Variants in CHRM1 observed in about 807,000 individuals in gnomAD.
CHRM1 encodes the protein muscarinic acetylcholine receptor M1.
A neutral mutation model predicts 31.6 loss-of-function variants in CHRM1; 5 were observed. The observed-to-expected ratio is 0.16, with a 90% CI of 0.08 to 0.33. CHRM1 has a LOEUF of 0.33. CHRM1 is among the 10% of genes least tolerant of loss of function. CHRM1 has a pLI of 1.00. For missense variants in CHRM1, 338 were observed against 610.3 expected, an observed-to-expected ratio of 0.55 and a Z score of 4.70; for synonymous variants, 227 against 249.7, an observed-to-expected ratio of 0.91 and a Z score of 0.86.
rs759819719 is a variant in CHRM1 at position 62,910,938 on chromosome 11, C to T, written c.163G>A (p.Glu55Lys). ...LVLISFKVNT[E>K]LKTVNNYFLL... The stretch of plus-strand genomic sequence containing the variant: ...AAGTAGTTATTGACTGTCTTGAGCT[C>T]CGTGTTGACCTTGAAAGAGATGAGT... Residue 55 changes from glutamate to lysine, a missense_variant, in exon 2 of 2, where the codon GAG (glutamate) becomes AAG (lysine). Coordinates refer to ENST00000306960, the MANE Select transcript of CHRM1 (RefSeq NM_000738.3). This position sits in a 1 kb window ranked among gnomAD's most constrained non-coding sequence, Gnocchi z 8.7. 6.2e-7 allele frequency: 1 copy of T among 1,614,160 alleles called. No individual in the cohort carries two copies. The highest frequency in any genetic ancestry group is 2.2e-5 in the East Asian group (1 of 44,882).
chr11:62,910,444 T>C lies in CHRM1; in HGVS notation c.657A>G (p.Ala219=). 4.3e-6 allele frequency: 7 copies of C among 1,613,836 alleles called. No homozygotes were observed. The highest frequency in any genetic ancestry group is 5.9e-6 in the Non-Finnish European group (7 of 1,180,028). The change falls in exon 2 of 2, where the codon GCA becomes GCG. Residue 219 remains alanine, a synonymous_variant. Transcript: ENST00000306960. The surrounding 1 kb of genome is among the most constrained non-coding windows in gnomAD (Gnocchi z 8.7). ...AGCCCTGAAGGGCTGCCAGCTCCCG[T>C]GCTCGGTTCTCTGTCTCCCGGTAGA... is the stretch of plus-strand genomic sequence containing the variant. ...WRIYRETENR[A]RELAALQGSE...
chr11:62,911,197 G>T lies in CHRM1; in HGVS notation c.-78-19C>A. The T allele has an allele frequency of 8.4e-7, 1 of 1,193,944 alleles. No individual in the cohort carries two copies. Among genetic ancestry groups the T allele is most frequent in the South Asian group, 1.5e-5 (1 of 65,836 alleles). The allele number at this position is 1,193,944 out of a possible 1,614,324, so 74.0% of individuals were successfully genotyped here. On this transcript the variant is annotated intron_variant, in intron 1 of 1. Coordinates refer to ENST00000306960, the MANE Select transcript of CHRM1 (RefSeq NM_000738.3). ...TCATCACCTGAAAAGAGAGGACATGGGCTTTGGTTGGGCCACTGGACATTT... is the reference window on the plus strand; with the variant it reads ...TCATCACCTGAAAAGAGAGGACATGTGCTTTGGTTGGGCCACTGGACATTT...
At chr11:62,919,589 T>C (rs1188094471) in intron 1 of CHRM1, among the ~76,000 whole-genome samples, 1 of 151,922 alleles carries the variant, frequency 6.6e-6, no homozygotes, top group Non-Finnish European at 1.5e-5. Context: ...CTCCTCCTCA[T>C]TTCCTTTCTT....
intron 1 of CHRM1, 71 bp downstream of exon 1, chr11:62,921,147 C>G (rs895384009): frequency 6.5e-6 from 1 of 152,782 alleles, no homozygotes; most frequent in Admixed American, 6.5e-5. Flanking sequence ...CCCTGCCCTC[C>G]CCCGCTCCCC....
chr11:62,908,843 T>C lies in CHRM1; in HGVS notation c.*875A>G, dbSNP rs947545301. Reference sequence around the variant, plus strand: ...GAGAACCTGCTGGCTGGGCCAGGCCTGTGTGGGGCAGGGCCGGAGGCAGGC... The same window carrying C: ...GAGAACCTGCTGGCTGGGCCAGGCCCGTGTGGGGCAGGGCCGGAGGCAGGC... On this transcript the variant is annotated 3_prime_UTR_variant, in exon 2 of 2. Transcript: ENST00000306960. 1.3e-5 allele frequency: 2 copies of C among 152,896 alleles called. No homozygotes were observed. The highest frequency in any genetic ancestry group is 4.8e-5 in the African/African-American group (2 of 41,444). The allele number at this position is 152,896 out of a possible 1,614,324, so 9.5% of individuals were successfully genotyped here.
intron 1 of CHRM1, among the ~76,000 whole-genome samples, chr11:62,916,095 C>A (rs538661806): frequency 9.8e-5 from 15 of 152,310 alleles, no homozygotes; most frequent in African/African-American, 3.6e-4. Flanking sequence ...TAGGCATGAG[C>A]CACAGCACCC....
intron 1 of CHRM1, among the ~76,000 whole-genome samples, chr11:62,919,399 T>TCC (rs1565267362): frequency 6.6e-6 from 1 of 152,176 alleles, no homozygotes; most frequent in Non-Finnish European, 1.5e-5. Flanking sequence ...AGCCCTAGAA[T>TCC]CACTGCCAAA....
At chr11:62,914,824 C>G (rs1403100106) in intron 1 of CHRM1, among the ~76,000 whole-genome samples, 1 of 152,214 alleles carries the variant, frequency 6.6e-6, no homozygotes, top group Non-Finnish European at 1.5e-5. Context: ...TGAGAGGCTG[C>G]ACCCTGCCCT....
chr11:62,919,963 A>G lies in CHRM1; in HGVS notation c.-79+1255T>C, dbSNP rs540378417. The stretch of plus-strand genomic sequence containing the variant: ...TTCTTGACACTTTGGACTCCCCATT[A>G]CACTTCAGAATCCAGTTCTCAGAAC... On this transcript the variant is annotated intron_variant, in intron 1 of 1. Coordinates refer to ENST00000306960, the MANE Select transcript of CHRM1 (RefSeq NM_000738.3). Among the ~76,000 whole-genome samples, 4 of 152,190 alleles carry G rather than the reference A, an allele frequency of 2.6e-5. No individual in the cohort carries two copies. In the South Asian group the frequency reaches 8.3e-4, roughly 32 times the overall value.
chr11:62,913,795 A>G (rs955622128), intron 1 of CHRM1, among the ~76,000 whole-genome samples: 10 of 151,966 alleles, frequency 6.6e-5, no homozygotes, highest in Non-Finnish European at 1.3e-4. Context: ...GTTTATATGC[A>G]TAATCTTATT....
chr11:62,911,160 C>T lies in CHRM1; in HGVS notation c.-60G>A. On this transcript the variant is annotated 5_prime_UTR_variant, in exon 2 of 2. Coordinates refer to ENST00000306960, the MANE Select transcript of CHRM1 (RefSeq NM_000738.3). ...TCCTCCAGGCACGCTACAGGGCTTC[C>T]TCAGGGGAAAGTCATCACCTGAAAA... 6.6e-7 allele frequency: 1 copy of T among 1,524,726 alleles called. No individual in the cohort carries two copies. Among genetic ancestry groups the T allele is most frequent in the Non-Finnish European group, 8.9e-7 (1 of 1,120,516 alleles). The allele number at this position is 1,524,726 out of a possible 1,614,324, so 94.4% of individuals were successfully genotyped here. A position where few individuals can be genotyped will look rare whatever the true frequency, so the allele number is the denominator to read the frequency against.
chr11:62,913,353 A>G (rs2085882206), intron 1 of CHRM1, among the ~76,000 whole-genome samples: 1 of 152,188 alleles, frequency 6.6e-6, no homozygotes, highest in Admixed American at 6.5e-5. Context: ...ATGTGTAGCA[A>G]TGAGGGTGCT....
rs546141018 is a variant in CHRM1 at position 62,909,214 on chromosome 11, G to A, written c.*504C>T. 1.2e-5 allele frequency: 2 copies of A among 168,344 alleles called. No individual in the cohort carries two copies. Among genetic ancestry groups the A allele is most frequent in the Non-Finnish European group, 2.6e-5 (2 of 77,104 alleles). The allele number at this position is 168,344 out of a possible 1,614,324, so 10.4% of individuals were successfully genotyped here. On this transcript the variant is annotated 3_prime_UTR_variant, in exon 2 of 2. Transcript: ENST00000306960. ...TCCTGGAGAGTATGCCTAGGGCCCA[G>A]GTGGGCGGGCTCTGCCTATGAAGCG...
chr11:62,909,574 C>T lies in CHRM1; in HGVS notation c.*144G>A, dbSNP rs546005053. ...AGTCTGGAAAGTTGGCAGGGTCTCTCTGGGCTGCCCAGGAAGGTGACCCAG... is the reference window on the plus strand; with the variant it reads ...AGTCTGGAAAGTTGGCAGGGTCTCTTTGGGCTGCCCAGGAAGGTGACCCAG... On this transcript the variant is annotated 3_prime_UTR_variant, in exon 2 of 2. Transcript: ENST00000306960. 17 of 1,015,142 alleles carry T rather than the reference C, an allele frequency of 1.7e-5. No homozygotes were observed. The Admixed American group carries it at 3.5e-4, about 21-fold the overall frequency. The allele number at this position is 1,015,142 out of a possible 1,614,324, so 62.9% of individuals were successfully genotyped here. A position where few individuals can be genotyped will look rare whatever the true frequency, so the allele number is the denominator to read the frequency against.
Position 62,909,891 on chromosome 11 carries a change from A to G in CHRM1, c.1210T>C (p.Tyr404His). ...GTGCTGTTGACGTAGCACAGCCAGT[A>G]GCCCAGCTCCCACAGGGTCTCGGGA... ...CVPETLWELG[Y>H]WLCYVNSTIN... Residue 404 changes from tyrosine (Y) to histidine (H), a missense_variant, in exon 2 of 2, where the codon TAC (tyrosine) becomes CAC (histidine). Tyr to His is a moderately conservative substitution (Grantham distance 83). This residue lies in a region of CHRM1 where 68 missense variants were observed against 108.5 expected (regional missense o/e 0.63). Coordinates refer to ENST00000306960, the MANE Select transcript of CHRM1 (RefSeq NM_000738.3). 6.2e-7 allele frequency: 1 copy of G among 1,614,224 alleles called. No individual in the cohort carries two copies. The highest frequency in any genetic ancestry group is 8.5e-7 in the Non-Finnish European group (1 of 1,180,046).
intron 1 of CHRM1, among the ~76,000 whole-genome samples, chr11:62,914,134 C>T (rs946613597): frequency 2.6e-5 from 4 of 151,948 alleles, no homozygotes; most frequent in Admixed American, 6.6e-5. Flanking sequence ...TTAGTAGAGA[C>T]GGGGTTTCAC....
At chr11:62,917,658 G>C (rs1309249965) in intron 1 of CHRM1, among the ~76,000 whole-genome samples, 1 of 151,178 alleles carries the variant, frequency 6.6e-6, no homozygotes, top group East Asian at 1.9e-4. Flanking sequence ...CATCCTCAGA[G>C]GGTGTTTCAC....
In CHRM1 at chr11:62,910,849, C is replaced by T. The variant is rs778921727; in HGVS notation, c.252G>A (p.Thr84=). 2.7e-5 allele frequency: 44 copies of T among 1,614,008 alleles called. 2 individuals are homozygous for T. In the East Asian group the frequency reaches 3.1e-4, roughly 11 times the overall value. ...IGTFSMNLYT[T]YLLMGHWALG... is the part of the protein sequence containing the mutation. ...GAGCCCAGTGGCCCATGAGCAGGTA[C>T]GTGGTATAGAGGTTCATGGAGAAGG... Residue 84 remains threonine (T), a synonymous_variant, in exon 2 of 2, where the codon ACG becomes ACA. Coordinates refer to ENST00000306960, the MANE Select transcript of CHRM1 (RefSeq NM_000738.3). The surrounding 1 kb of genome is among the most constrained non-coding windows in gnomAD (Gnocchi z 8.7).
At chr11:62,916,320 G>A (rs1319775301) in intron 1 of CHRM1, among the ~76,000 whole-genome samples, 2 of 152,220 alleles carry the variant, frequency 1.3e-5, no homozygotes, top group African/African-American at 4.8e-5. Context: ...CCAAGTCCCT[G>A]AGGCAAGGCT....
Sources: allele counts gnomAD v4.1 joint callset (sites outside exome capture counted in the v4.1 genomes callset), GRCh38; gene constraint gnomAD v4.1.1; regional missense constraint gnomAD v4.1.1; non-coding constraint Gnocchi (gnomAD v3.1); transcripts MANE v1.5; gene names NCBI Gene and HGNC (gene_info 2026-07-23, HGNC 2026-07-21).